The following SCIN variants were observed in gnomAD, a reference collection of about 807,000 sequenced individuals.
SCIN encodes the protein adseverin.
Under a neutral mutation model 91.8 loss-of-function variants are expected in SCIN, and 91 were observed. The observed-to-expected ratio is 0.99, with a 90% CI of 0.84 to 1.18. The LOEUF (loss-of-function observed/expected upper bound fraction) is 1.18, where lower values mean the gene tolerates loss of function less well. Ranked by LOEUF, SCIN falls within the 50% of genes most tolerant of loss-of-function variation. The probability of loss-of-function intolerance (pLI) is 0.00; values close to 1 mark genes in which losing one functional copy is unlikely to be tolerated. For synonymous variants in SCIN, 367 were observed against 312.6 expected (o/e 1.17, Z -1.84); for missense variants, 1,087 against 863.9 (o/e 1.26, Z -3.24).
intron 5 of SCIN, 121 bp from the exon 6 acceptor site, chr7:12,624,889 A>G (rs1233393819): frequency 5.4e-6 from 5 of 929,234 alleles, no homozygotes; most frequent in Non-Finnish European, 7.7e-6. Context: ...TTTAAAGTGT[A>G]CAATTCAATG....
chr7:12,627,434 C>T (rs1783550076), intron 8 of SCIN, among the ~76,000 whole-genome samples: 2 of 152,112 alleles, frequency 1.3e-5, no homozygotes, highest in South Asian at 2.1e-4. Flanking sequence ...AGCGATACTT[C>T]TCACATAATT....
At chr7:12,578,261 C>G in intron 2 of SCIN, 43 bp downstream of exon 2, 1 of 1,498,824 alleles carries the variant, frequency 6.7e-7, no homozygotes, top group Non-Finnish European at 8.9e-7. Context: ...CCTTTCTCCT[C>G]TTGTCCATCC....
intron 10 of SCIN, among the ~76,000 whole-genome samples, chr7:12,636,636 G>T (rs1783758448): frequency 6.6e-6 from 1 of 152,162 alleles, no homozygotes; most frequent in Non-Finnish European, 1.5e-5. Flanking sequence ...GGTGGGCCTA[G>T]CGTAATCACC....
chr7:12,660,002 C>T lies in SCIN; in HGVS notation c.*7287C>T, dbSNP rs1194716046. ...TAAGAAGGTTCTTTGTAATTCTTCC[C>T]ACCCTTGAGAATGTACTTTGTGAGA... On this transcript the variant is annotated 3_prime_UTR_variant, in exon 16 of 16. Coordinates refer to ENST00000297029, the MANE Select transcript of SCIN (RefSeq NM_001112706.3). The T allele has an allele frequency of 1.3e-5, 2 of 152,288 alleles. No homozygotes were observed. Among genetic ancestry groups the T allele is most frequent in the Admixed American group, 1.3e-4 (2 of 15,272 alleles). The allele number at this position is 152,288 out of a possible 1,614,324, so 9.4% of individuals were successfully genotyped here.
chr7:12,587,165 T>C (rs1583279390), intron 3 of SCIN, among the ~76,000 whole-genome samples: 1 of 152,220 alleles, frequency 6.6e-6, no homozygotes, highest in Non-Finnish European at 1.5e-5. Context: ...TTACACACTT[T>C]ATACTTGTAT....
chr7:12,592,196 A>G (rs139418495), intron 3 of SCIN, among the ~76,000 whole-genome samples: 66 of 151,952 alleles, frequency 4.3e-4, no homozygotes, highest in Non-Finnish European at 8.2e-4. Context: ...CTTCAGGTCA[A>G]TTGCAGTGTA....
chr7:12,616,388 C>G (rs979317680), intron 4 of SCIN, among the ~76,000 whole-genome samples: 1 of 152,126 alleles, frequency 6.6e-6, no homozygotes, highest in Non-Finnish European at 1.5e-5. Flanking sequence ...CCTTCTTGCT[C>G]TCTTGCTCTC....
At chr7:12,635,655 A>G (rs1048702684) in intron 9 of SCIN, among the ~76,000 whole-genome samples, 2 of 150,516 alleles carry the variant, frequency 1.3e-5, no homozygotes, top group African/African-American at 2.4e-5. Context: ...CAAGAAAGAC[A>G]AAATGCCCCT....
chr7:12,625,975 C>T, intron 7 of SCIN, 125 bp downstream of exon 7: 5 of 614,448 alleles, frequency 8.1e-6, no homozygotes, highest in Non-Finnish European at 1.4e-5. Flanking sequence ...CTCCACCTGC[C>T]TGTCTGCTGC....
chr7:12,578,909 G>GT lies in SCIN; in HGVS notation c.354+706dup. 2.7e-3 allele frequency among the ~76,000 whole-genome samples: 233 copies of GT among 85,866 alleles called. 15 individuals carry two copies. Among genetic ancestry groups the GT allele is most frequent in the Admixed American group, 3.5e-3 (31 of 8,736 alleles). 56.3% of individuals were successfully genotyped at this position (85,866 alleles called of 152,430 possible). A position where few individuals can be genotyped will look rare whatever the true frequency, so the allele number is the denominator to read the frequency against. On this transcript the variant is annotated intron_variant, in intron 2 of 15. Coordinates refer to ENST00000297029, the MANE Select transcript of SCIN (RefSeq NM_001112706.3). ...TAAGGCAGCCTTCAGTATAGGACAG[G>GT]TTTTTTTTTTTTTTTGGCATCCTCC...
intron 1 of SCIN, among the ~76,000 whole-genome samples, chr7:12,572,250 G>A (rs1170264097): frequency 6.6e-6 from 1 of 152,220 alleles, no homozygotes; most frequent in Admixed American, 6.5e-5. Context: ...GTGTTAGCTT[G>A]AGGAGGCAGA....
intron 8 of SCIN, among the ~76,000 whole-genome samples, chr7:12,627,604 T>C (rs1016811233): frequency 6.6e-6 from 1 of 152,284 alleles, no homozygotes; most frequent in Admixed American, 6.5e-5. Flanking sequence ...AGGGAAATAA[T>C]TTTTCCTCTT....
intron 3 of SCIN, among the ~76,000 whole-genome samples, chr7:12,586,671 G>C (rs1194553081): frequency 6.6e-6 from 1 of 152,086 alleles, no homozygotes; most frequent in African/African-American, 2.4e-5. Flanking sequence ...CAAACGTATG[G>C]AATCAACATA....
chr7:12,656,469 AATTC>A lies in SCIN; in HGVS notation c.*3758_*3761del, dbSNP rs2115310332. The stretch of plus-strand genomic sequence containing the variant: ...TATTTTAAACATTTATTTTAAACCT[AATTC>A]ATTTGAACTGAACTTGAATTTAAAA... On this transcript the variant is annotated 3_prime_UTR_variant, in exon 16 of 16. Transcript: ENST00000297029. 1 of 152,286 alleles carries A rather than the reference AATTC, an allele frequency of 6.6e-6. No homozygotes were observed. The highest frequency in any genetic ancestry group is 1.9e-4 in the East Asian group (1 of 5,194). 9.4% of individuals were successfully genotyped at this position (152,286 alleles called of 1,614,324 possible).
intron 1 of SCIN, among the ~76,000 whole-genome samples, chr7:12,575,892 G>C (rs1265294484): frequency 6.6e-6 from 1 of 152,088 alleles, no homozygotes; most frequent in Non-Finnish European, 1.5e-5. Flanking sequence ...GCTGACATTG[G>C]CTTCATCAAG....
intron 3 of SCIN, among the ~76,000 whole-genome samples, chr7:12,586,655 C>T (rs958878071): frequency 4.6e-5 from 7 of 152,078 alleles, no homozygotes; most frequent in African/African-American, 1.7e-4. Flanking sequence ...TCACTATTCA[C>T]AATAGCAAAC....
chr7:12,636,834 T>A (rs562654925), intron 10 of SCIN, among the ~76,000 whole-genome samples: 2 of 152,300 alleles, frequency 1.3e-5, no homozygotes, highest in South Asian at 4.1e-4. Context: ...GATGATGTTA[T>A]GCTAGTTACC....
At chr7:12,620,968 A>T (rs137940190) in intron 4 of SCIN, among the ~76,000 whole-genome samples, 5 of 152,146 alleles carry the variant, frequency 3.3e-5, no homozygotes, top group South Asian at 2.1e-4. Context: ...TTGTCAAAAT[A>T]TATGTTATTT....
Position 12,636,083 on chromosome 7 carries a change from C to A in SCIN, c.1358C>A (p.Ser453Tyr). ...GCCACACGAGATGAGCTGACAACAT[C>A]TGCGTTCCTGACTGTTCAGTTGGAT... ...ANATRDELTT[S>Y]AFLTVQLDRS... The change falls in exon 10 of 16, where the codon TCT (serine) becomes TAT (tyrosine). Residue 453 changes from serine to tyrosine, a missense_variant. Physicochemically the swap from Ser to Tyr is moderately radical, Grantham distance 144. Transcript: ENST00000297029. 2 of 1,613,284 alleles carry A rather than the reference C, an allele frequency of 1.2e-6. No individual in the cohort carries two copies. Among genetic ancestry groups the A allele is most frequent in the East Asian group, 4.5e-5 (2 of 44,804 alleles).
Sources: gnomAD v4.1 joint callset for allele counts (sites outside exome capture counted in the v4.1 genomes callset) on GRCh38, gnomAD v4.1.1 for gene constraint, MANE v1.5 for transcripts, NCBI Gene and HGNC (gene_info 2026-07-23, HGNC 2026-07-21) for gene names.